TENM3: variants seen among roughly 807,000 people sequenced by gnomAD.
The protein encoded by TENM3 is teneurin-3.
A neutral mutation model predicts 255.1 loss-of-function variants in TENM3; 63 were observed. The observed-to-expected ratio is 0.25, with a 90% CI of 0.20 to 0.30. The LOEUF is 0.30. Among genes scored for constraint, TENM3 ranks in the 10% least tolerant of loss-of-function variants. The pLI is 1.00. For synonymous variants in TENM3, 1,306 were observed against 1,322.3 expected, an observed-to-expected ratio of 0.99 and a Z score of 0.27; for missense variants, 2,929 against 3,461.1, an observed-to-expected ratio of 0.85 and a Z score of 3.86.
At chr4:182,212,696 G>A (rs575785182) in intron 1 of TENM3, among the ~76,000 whole-genome samples, 5 of 152,270 alleles carry the variant, frequency 3.3e-5, no homozygotes, top group Admixed American at 3.3e-4. Context: ...CTTTGATCCC[G>A]ATACCGCTGA....
At position 182,708,527 on chromosome 4, in the gene TENM3, T is replaced by C. The variant is rs189482543; in HGVS notation, c.2222-5560T>C. Among the ~76,000 whole-genome samples the C allele has an allele frequency of 4.2e-4, 64 of 152,222 alleles. No homozygotes were observed. The East Asian group carries it at 9.7e-3, about 23-fold the overall frequency. On this transcript the variant is annotated intron_variant, in intron 12 of 27. Coordinates refer to ENST00000511685, the MANE Select transcript of TENM3 (RefSeq NM_001080477.4). ...CAAAGATCTGAGACCTGGCGGGGCGTGGTGGCTCACGCCTGTAATCCCAGC... is the reference window on the plus strand; with the variant it reads ...CAAAGATCTGAGACCTGGCGGGGCGCGGTGGCTCACGCCTGTAATCCCAGC...
At chr4:182,015,277 AT>A in the TENM3 span, among the ~76,000 whole-genome samples, 3 of 152,316 alleles carry the variant, frequency 2.0e-5, no homozygotes, top group African/African-American at 7.2e-5. Context: ...GTTGTCAACA[AT>A]AACTGAGGAT....
At chr4:181,468,901 T>TCCAATGGAC in the TENM3 span, among the ~76,000 whole-genome samples, 5 of 152,372 alleles carry the variant, frequency 3.3e-5, no homozygotes, top group South Asian at 1.0e-3. Flanking sequence ...CTCTTTTGAT[T>TCCAATGGAC]CCAATGGACC....
chr4:182,561,613 A>G (rs917542490), intron 3 of TENM3, among the ~76,000 whole-genome samples: 3 of 151,692 alleles, frequency 2.0e-5, no homozygotes, highest in South Asian at 4.2e-4. Context: ...AAAAATTTTA[A>G]TGGGAAGACT....
At chr4:182,495,139 A>T (rs1490765516) in intron 3 of TENM3, among the ~76,000 whole-genome samples, 1 of 152,192 alleles carries the variant, frequency 6.6e-6, no homozygotes, top group Admixed American at 6.5e-5. Context: ...TAAGACAAAA[A>T]CTTAATGGAA....
At chr4:181,626,581 T>C in the TENM3 span, among the ~76,000 whole-genome samples, 5 of 151,678 alleles carry the variant, frequency 3.3e-5, no homozygotes, top group Admixed American at 1.3e-4. Context: ...GGAGGGGAGA[T>C]GCCACGCTCT....
At chr4:181,874,973 G>A in the TENM3 span, among the ~76,000 whole-genome samples, 18 of 152,246 alleles carry the variant, frequency 1.2e-4, no homozygotes, top group African/African-American at 2.4e-4. Flanking sequence ...TGTATATATC[G>A]TGTCCAGTTT....
the TENM3 span, among the ~76,000 whole-genome samples, chr4:181,815,269 T>A: frequency 1.3e-5 from 2 of 148,618 alleles, no homozygotes; most frequent in Admixed American, 1.3e-4. Flanking sequence ...CTGGCCAACA[T>A]GGTGAAACCC....
At chr4:182,574,464 TC>T (rs1744723186) in intron 3 of TENM3, among the ~76,000 whole-genome samples, 1 of 152,162 alleles carries the variant, frequency 6.6e-6, no homozygotes, top group Non-Finnish European at 1.5e-5. Context: ...TTTATTAGTT[TC>T]TTGCTTTAGA....
chr4:182,035,734 C>G, the TENM3 span, among the ~76,000 whole-genome samples: 1 of 152,160 alleles, frequency 6.6e-6, no homozygotes, highest in African/African-American at 2.4e-5. Flanking sequence ...TTTTCAATCA[C>G]TTTTCCAAAC....
intron 3 of TENM3, among the ~76,000 whole-genome samples, chr4:182,376,672 GA>G (rs2150892613): frequency 6.6e-6 from 1 of 152,222 alleles, no homozygotes; most frequent in African/African-American, 2.4e-5. Context: ...GCAGAGGAGG[GA>G]GGTGGCTGAA....
chr4:182,032,019 C>G, the TENM3 span, among the ~76,000 whole-genome samples: 1 of 152,312 alleles, frequency 6.6e-6, no homozygotes, highest in Admixed American at 6.5e-5. Flanking sequence ...TTGACTTCCC[C>G]TCTTCCTATC....
At chr4:181,702,833 T>C in the TENM3 span, among the ~76,000 whole-genome samples, 1 of 152,166 alleles carries the variant, frequency 6.6e-6, no homozygotes, top group African/African-American at 2.4e-5. Context: ...ATTTTTATCA[T>C]ATTTAATTTT....
chr4:182,392,354 C>T (rs1437050528), intron 3 of TENM3, among the ~76,000 whole-genome samples: 2 of 152,242 alleles, frequency 1.3e-5, no homozygotes, highest in African/African-American at 4.8e-5. Context: ...TACTCACCAT[C>T]TTTCACTTTA....
the TENM3 span, among the ~76,000 whole-genome samples, chr4:181,862,520 G>A: frequency 6.6e-6 from 1 of 151,538 alleles, no homozygotes; most frequent in East Asian, 1.9e-4. Flanking sequence ...CCTCCCTGCA[G>A]AAAAAAAATA....
chr4:181,551,073 A>G, the TENM3 span, among the ~76,000 whole-genome samples: 1 of 152,194 alleles, frequency 6.6e-6, no homozygotes, highest in African/African-American at 2.4e-5. Context: ...ATTGGTGAAC[A>G]GGAGCAAGGA....
intron 3 of TENM3, among the ~76,000 whole-genome samples, chr4:182,385,367 C>T (rs1411910302): frequency 6.9e-6 from 1 of 144,862 alleles, no homozygotes; most frequent in Non-Finnish European, 1.5e-5. Flanking sequence ...CAGATTCAAG[C>T]GATTCTCCTG....
chr4:181,602,009 ATCT>A, the TENM3 span, among the ~76,000 whole-genome samples: 2 of 152,094 alleles, frequency 1.3e-5, no homozygotes, highest in Non-Finnish European at 2.9e-5. Flanking sequence ...TCATCTTGTG[ATCT>A]TTAATTTATA....
At chr4:182,371,949 G>T (rs1009295511) in intron 3 of TENM3, among the ~76,000 whole-genome samples, 1 of 152,172 alleles carries the variant, frequency 6.6e-6, no homozygotes, top group Non-Finnish European at 1.5e-5. Flanking sequence ...AATACAATAT[G>T]TGAGTTAATG....
Sources: gnomAD v4.1 joint callset for allele counts (sites outside exome capture counted in the v4.1 genomes callset) on GRCh38, gnomAD v4.1.1 for gene constraint, MANE v1.5 for transcripts, NCBI Gene and HGNC (gene_info 2026-07-23, HGNC 2026-07-21) for gene names.